Variants in HDX observed in about 807,000 individuals in gnomAD.
HDX encodes highly divergent homeobox, also known as chromosome X open reading frame 43.
A neutral mutation model predicts 45.2 loss-of-function variants in HDX; 19 were observed. The ratio of observed to expected loss-of-function variants is 0.42; its 90% confidence interval spans 0.29 to 0.62. The LOEUF is 0.62. HDX is among the 20% of genes least tolerant of loss of function. The probability of loss-of-function intolerance (pLI) is 0.20; values close to 1 mark genes in which losing one functional copy is unlikely to be tolerated. For synonymous variants in HDX, 188 were observed against 172.8 expected, an observed-to-expected ratio of 1.09 and a Z score of -0.69; for missense variants, 532 against 493.9, an observed-to-expected ratio of 1.08 and a Z score of -0.73.
chrX:84,457,126 A>ACAAAAT (rs2040128829), intron 4 of HDX, among the ~76,000 whole-genome samples: 1 of 111,911 alleles, frequency 8.9e-6, no homozygotes, highest in Non-Finnish European at 1.9e-5. Context: ...ATGTTAGGCC[A>ACAAAAT]CAAAATCTTC....
At chrX:84,365,099 C>CTT (rs113159516) in intron 5 of HDX, among the ~76,000 whole-genome samples, 1,710 of 107,553 alleles carry the variant, frequency 0.016, 25 homozygotes, top group African/African-American at 0.044. Context: ...ATCCTGATTT[C>CTT]TTTTTTTTTC....
chrX:84,335,836 T>C (rs899955990), intron 8 of HDX, among the ~76,000 whole-genome samples: 1 of 110,844 alleles, frequency 9.0e-6, no homozygotes, highest in African/African-American at 3.3e-5. Flanking sequence ...TATATTCTGC[T>C]TGTAGAAAAC....
chrX:84,494,994 T>C (rs1300074951), intron 1 of HDX, among the ~76,000 whole-genome samples: 1 of 111,353 alleles, frequency 9.0e-6, no homozygotes, highest in Non-Finnish European at 1.9e-5. Context: ...ATATACAAAA[T>C]GGAATACCAT....
chrX:84,492,927 T>C (rs75174281), intron 1 of HDX, among the ~76,000 whole-genome samples: 2 of 108,880 alleles, frequency 1.8e-5, no homozygotes, highest in Admixed American at 9.8e-5. Flanking sequence ...TTTTTTTTTT[T>C]CTGAGATGGA....
At chrX:84,477,775 G>A (rs180808608) in intron 2 of HDX, among the ~76,000 whole-genome samples, 3 of 111,885 alleles carry the variant, frequency 2.7e-5, no homozygotes, top group Non-Finnish European at 5.6e-5. Context: ...TTTTAAAGTT[G>A]GGTTTTTATT....
In HDX at chrX:84,448,355, C is replaced by T. The variant is rs185351678; in HGVS notation, c.1252-7770G>A. On this transcript the variant is annotated intron_variant, in intron 4 of 10. Coordinates refer to ENST00000373177, the MANE Select transcript of HDX (RefSeq NM_001177479.2). Reference sequence around the variant, plus strand: ...AAGCTGGCTGGAGGCCCAAGAATCACCACAACTGTATCTGTTAATACCAGT... The same window carrying T: ...AAGCTGGCTGGAGGCCCAAGAATCATCACAACTGTATCTGTTAATACCAGT... Among the ~76,000 whole-genome samples the T allele has an allele frequency of 2.7e-5, 3 of 111,247 alleles. No homozygotes were observed. The East Asian group carries it at 8.5e-4, about 32-fold the overall frequency.
chrX:84,469,952 T>C (rs1322393367), intron 3 of HDX, among the ~76,000 whole-genome samples: 1 of 112,030 alleles, frequency 8.9e-6, no homozygotes, highest in Non-Finnish European at 1.9e-5. Context: ...ATGTTCATCA[T>C]ATATTTATTT....
At chrX:84,493,015 C>A (rs1386852383) in intron 1 of HDX, among the ~76,000 whole-genome samples, 1 of 109,656 alleles carries the variant, frequency 9.1e-6, no homozygotes, top group Admixed American at 9.8e-5. Context: ...TGGATTCAAG[C>A]AATTCTCCTG....
chrX:84,450,732 A>G (rs1410540033), intron 4 of HDX, among the ~76,000 whole-genome samples: 1 of 112,458 alleles, frequency 8.9e-6, no homozygotes, highest in Non-Finnish European at 1.9e-5. Flanking sequence ...TCAAATGGCT[A>G]CAGAATACAC....
chrX:84,324,506 G>T (rs892506500), intron 10 of HDX, among the ~76,000 whole-genome samples: 3 of 111,180 alleles, frequency 2.7e-5, no homozygotes, highest in Non-Finnish European at 5.7e-5. Flanking sequence ...TCTATTTGGT[G>T]CTGATTATAC....
At chrX:84,371,335 T>C (rs1238144136) in intron 5 of HDX, among the ~76,000 whole-genome samples, 1 of 112,157 alleles carries the variant, frequency 8.9e-6, no homozygotes, top group Non-Finnish European at 1.9e-5. Context: ...GTAAAATAAA[T>C]CAGGTTCATA....
At chrX:84,415,189 C>T in intron 5 of HDX, among the ~76,000 whole-genome samples, 1 of 111,965 alleles carries the variant, frequency 8.9e-6, no homozygotes, top group Non-Finnish European at 1.9e-5. Flanking sequence ...GTCCCAAACA[C>T]ACCTTTTTTA....
At chrX:84,375,897 T>G (rs2147889615) in intron 5 of HDX, among the ~76,000 whole-genome samples, 1 of 111,908 alleles carries the variant, frequency 8.9e-6, no homozygotes, top group African/African-American at 3.2e-5. Flanking sequence ...AGTATAATAA[T>G]AATAAAATAA....
intron 1 of HDX, among the ~76,000 whole-genome samples, chrX:84,493,881 G>C (rs1401075662): frequency 1.8e-5 from 2 of 111,161 alleles, no homozygotes; most frequent in African/African-American, 6.5e-5. Flanking sequence ...GTAACACAAA[G>C]GATAAACGCT....
intron 5 of HDX, among the ~76,000 whole-genome samples, chrX:84,421,099 A>C (rs2039242992): frequency 8.9e-6 from 1 of 112,115 alleles, no homozygotes; most frequent in Non-Finnish European, 1.9e-5. Context: ...ATTCATTGGT[A>C]ATTGTAAGTA....
chrX:84,324,757 A>G (rs2036672845), intron 10 of HDX, among the ~76,000 whole-genome samples: 1 of 110,977 alleles, frequency 9.0e-6, no homozygotes, highest in African/African-American at 3.3e-5. Flanking sequence ...GAAACTTGCT[A>G]GTTACTTGGC....
intron 5 of HDX, among the ~76,000 whole-genome samples, chrX:84,373,522 C>A (rs1045832456): frequency 4.5e-5 from 5 of 110,575 alleles, no homozygotes; most frequent in East Asian, 2.9e-4. Context: ...AAAATACTGG[C>A]AAACCGAATC....
chrX:84,444,323 G>T (rs151052636), intron 4 of HDX, among the ~76,000 whole-genome samples: 1,876 of 111,035 alleles, frequency 0.017, 30 homozygotes, highest in African/African-American at 0.058. Flanking sequence ...TCAAACAGAC[G>T]TATGGTATGA....
At chrX:84,357,327 TG>T (rs2037511021) in intron 6 of HDX, among the ~76,000 whole-genome samples, 1 of 111,186 alleles carries the variant, frequency 9.0e-6, no homozygotes, top group African/African-American at 3.3e-5. Flanking sequence ...CTTAGGCAAC[TG>T]GGAAAGGGTT....
Sources: allele counts gnomAD v4.1 joint callset (sites outside exome capture counted in the v4.1 genomes callset), GRCh38; gene constraint gnomAD v4.1.1; transcripts MANE v1.5; gene names NCBI Gene and HGNC (gene_info 2026-07-23, HGNC 2026-07-21).